SBNO1: variants seen among roughly 807,000 people sequenced by gnomAD.
SBNO1 encodes the protein strawberry notch homolog 1.
SBNO1 carries 23 observed loss-of-function variants against 173.6 expected under a neutral mutation model. That is an observed-to-expected ratio of 0.13 (90% CI 0.10 to 0.19). SBNO1 has a LOEUF of 0.19. SBNO1 is among the 10% of genes least tolerant of loss of function. SBNO1 has a pLI of 1.00. For synonymous variants in SBNO1, 632 were observed against 571.5 expected (o/e 1.11, Z -1.51); for missense variants, 1,238 against 1,671.2 (o/e 0.74, Z 4.52).
chr12:123,324,059 T>A (rs1004646964), intron 15 of SBNO1, among the ~76,000 whole-genome samples: 1 of 152,138 alleles, frequency 6.6e-6, no homozygotes, highest in Non-Finnish European at 1.5e-5. Flanking sequence ...ATTAAAAAAG[T>A]AAAAAATAAA....
intron 25 of SBNO1, among the ~76,000 whole-genome samples, chr12:123,310,631 T>C (rs1303452410): frequency 2.0e-5 from 3 of 151,776 alleles, no homozygotes; most frequent in Non-Finnish European, 4.4e-5. Context: ...GCCTCGCGGG[T>C]TCAAGTAATT....
chr12:123,294,653 A>G lies in SBNO1; in HGVS notation c.*1255T>C, dbSNP rs867368869. On this transcript the variant is annotated 3_prime_UTR_variant, in exon 32 of 32. Transcript: ENST00000602398. ...TGGAAGCAAAAAAAAAAAAAAAAAA[A>G]AAAAAAAAGAAAAAAAGAAAAGAAA... 629 of 157,240 alleles carry G rather than the reference A, an allele frequency of 4.0e-3. 6 individuals carry two copies. Among genetic ancestry groups the G allele is most frequent in the Non-Finnish European group, 6.2e-3 (493 of 79,386 alleles). The allele number at this position is 157,240 out of a possible 1,614,324, so 9.7% of individuals were successfully genotyped here.
At chr12:123,321,838 A>G (rs1017228564) in intron 16 of SBNO1, 106 bp from the exon 17 acceptor site, 4 of 938,682 alleles carry the variant, frequency 4.3e-6, no homozygotes, top group Non-Finnish European at 4.9e-6. Context: ...GTGCAGAGGA[A>G]AAGTATTTAG....
rs1298619290 is a variant in SBNO1 at position 123,325,595 on chromosome 12, A to G, written c.1880T>C (p.Val627Ala). The G allele has an allele frequency of 6.3e-7, 1 of 1,597,126 alleles. No individual in the cohort carries two copies. Among genetic ancestry groups the G allele is most frequent in the Non-Finnish European group, 8.6e-7 (1 of 1,165,604 alleles). The change falls in exon 15 of 32, where the codon GTT becomes GCT. Residue 627 changes from valine (V) to alanine (A), a missense_variant. Val to Ala is a moderately conservative substitution (Grantham distance 64, BLOSUM62 0). Transcript: ENST00000602398. Reference sequence around the variant, plus strand: ...TCCTGTAGACTGCAGACCAATTACAACACACTGGAGAAAAAAGAAAACATG... The same window carrying G: ...TCCTGTAGACTGCAGACCAATTACAGCACACTGGAGAAAAAAGAAAACATG... ...AREEIKNGKC[V>A]VIGLQSTGEA... is the part of the protein sequence containing the mutation.
chr12:123,310,838 C>G (rs1868398151), intron 25 of SBNO1, among the ~76,000 whole-genome samples: 1 of 152,054 alleles, frequency 6.6e-6, no homozygotes, highest in African/African-American at 2.4e-5. Context: ...CAGCAGACTT[C>G]AGTAATTTTT....
intron 1 of SBNO1, among the ~76,000 whole-genome samples, chr12:123,352,512 G>C (rs916068290): frequency 6.6e-5 from 10 of 151,892 alleles, no homozygotes; most frequent in Admixed American, 2.0e-4. Context: ...GGCTGGTCTC[G>C]AACTCCTGAC....
intron 14 of SBNO1, among the ~76,000 whole-genome samples, 177 bp from the exon 15 acceptor site, chr12:123,325,776 AATTTAGG>A (rs72419030): frequency 0.52 from 79,118 of 151,324 alleles, 24,937 homozygotes; most frequent in East Asian, 0.7. Context: ...ATTTGTCAAA[AATTTAGG>A]CAGGAGATAG....
In SBNO1 at chr12:123,311,124, G is replaced by T. The variant is rs1176994942; in HGVS notation, c.3226C>A (p.Arg1076=). 1.2e-6 allele frequency: 2 copies of T among 1,611,558 alleles called. No homozygotes were observed. Among genetic ancestry groups the T allele is most frequent in the Admixed American group, 1.7e-5 (1 of 59,986 alleles). ...DYPGEFFKDV[R]QGLIGVGLIN... is the part of the protein sequence containing the mutation. ...AGGCCAACGCCTATCAGTCCTTGTC[G>T]AACATCTGTAAGAACAGGATCAATT... is the stretch of plus-strand genomic sequence containing the variant. The change falls in exon 25 of 32, where the codon CGA becomes AGA. Residue 1076 remains arginine (R), a synonymous_variant. Coordinates refer to ENST00000602398, the MANE Select transcript of SBNO1 (RefSeq NM_001167856.3).
At chr12:123,320,122 A>C (rs1229474219) in intron 19 of SBNO1, 91 bp from the exon 20 acceptor site, 6 of 1,424,476 alleles carry the variant, frequency 4.2e-6, no homozygotes, top group Admixed American at 3.5e-5. Context: ...TTGGGAGATA[A>C]GAGCACAGGC....
rs1455506307 is a variant in SBNO1 at position 123,294,510 on chromosome 12, A to G, written c.*1398T>C. 2.6e-5 allele frequency: 4 copies of G among 153,324 alleles called. No individual in the cohort carries two copies. Among genetic ancestry groups the G allele is most frequent in the Non-Finnish European group, 5.8e-5 (4 of 69,032 alleles). 9.5% of individuals were successfully genotyped at this position (153,324 alleles called of 1,614,324 possible). On this transcript the variant is annotated 3_prime_UTR_variant, in exon 32 of 32. Transcript: ENST00000602398. Reference sequence around the variant, plus strand: ...TTCTGAAGGTCACCAGTGAGGGCCTAAACAAGAGTCCACTTCTTGTTAGTA... The same window carrying G: ...TTCTGAAGGTCACCAGTGAGGGCCTGAACAAGAGTCCACTTCTTGTTAGTA...
chr12:123,349,524 A>C (rs1410323419), intron 2 of SBNO1, among the ~76,000 whole-genome samples: 1 of 136,186 alleles, frequency 7.3e-6, no homozygotes, highest in Non-Finnish European at 1.5e-5. Flanking sequence ...AACATCTCTT[A>C]CACTATCTAT....
intron 19 of SBNO1, 49 bp downstream of exon 19, chr12:123,320,383 C>T: frequency 1.4e-6 from 2 of 1,469,164 alleles, no homozygotes; most frequent in Non-Finnish European, 9.3e-7. Flanking sequence ...ACTCATTTTA[C>T]AGGGGTTCAA....
rs938924397 is a variant in SBNO1 at position 123,289,729 on chromosome 12, G to C, written c.*6179C>G. On this transcript the variant is annotated 3_prime_UTR_variant, in exon 32 of 32. Transcript: ENST00000602398. ...ATCATATCAGTAGTTTGCAAATTCAGTATAAACCATGAACAGGATATTTTT... is the reference window on the plus strand; with the variant it reads ...ATCATATCAGTAGTTTGCAAATTCACTATAAACCATGAACAGGATATTTTT... 4 of 152,244 alleles carry C rather than the reference G, an allele frequency of 2.6e-5. No individual in the cohort carries two copies. Among genetic ancestry groups the C allele is most frequent in the Admixed American group, 2.0e-4 (3 of 15,278 alleles). 9.4% of individuals were successfully genotyped at this position (152,244 alleles called of 1,614,324 possible).
In SBNO1 at chr12:123,364,842, G is replaced by A. The variant is rs1260697399; in HGVS notation, c.-142C>T. The A allele has an allele frequency of 3.2e-6, 3 of 930,376 alleles. No individual in the cohort carries two copies. Among genetic ancestry groups the A allele is most frequent in the East Asian group, 1.2e-4 (1 of 8,436 alleles). 57.6% of individuals were successfully genotyped at this position (930,376 alleles called of 1,614,324 possible). A position where few individuals can be genotyped will look rare whatever the true frequency, so the allele number is the denominator to read the frequency against. On this transcript the variant is annotated 5_prime_UTR_variant, in exon 1 of 32. Transcript: ENST00000602398. ...CCTACCTCCCCGCCGCCATCTTGAC[G>A]CCCCTCCCCCAGCCCCCCCGCCCCG...
chr12:123,311,708 C>CTA (rs1287595744), intron 24 of SBNO1, among the ~76,000 whole-genome samples: 2 of 62,328 alleles, frequency 3.2e-5, no homozygotes, highest in African/African-American at 1.2e-4. Flanking sequence ...ATCTATCTAT[C>CTA]TATCTATCTA....
chr12:123,316,479 C>G (rs968832954), intron 21 of SBNO1, among the ~76,000 whole-genome samples: 2 of 152,178 alleles, frequency 1.3e-5, no homozygotes, highest in Non-Finnish European at 2.9e-5. Context: ...CCACCTCAGC[C>G]TGCCAAAGTG....
chr12:123,319,288 G>A (rs959384798), intron 20 of SBNO1, among the ~76,000 whole-genome samples: 1 of 151,512 alleles, frequency 6.6e-6, no homozygotes, highest in African/African-American at 2.4e-5. Context: ...TTTATATCAT[G>A]ATTAAATATT....
rs1187777296 is a variant in SBNO1 at position 123,364,255 on chromosome 12, T to A, written c.-1+446A>T. On this transcript the variant is annotated intron_variant, in intron 1 of 31. Transcript: ENST00000602398. ...CCTCGCCCAGAGCCGGGAGCAATGC[T>A]GGGGCACGAAAGAGGACTTGGGAAG... 3 of 985,376 alleles carry A rather than the reference T, an allele frequency of 3.0e-6. No individual in the cohort carries two copies. The African/African-American group carries it at 5.2e-5, about 17-fold the overall frequency. The allele number at this position is 985,376 out of a possible 1,614,324, so 61.0% of individuals were successfully genotyped here.
rs914598757 is a variant in SBNO1 at position 123,302,245 on chromosome 12, T to G, written c.3845+579A>C. Among the ~76,000 whole-genome samples, 40 of 138,812 alleles carry G rather than the reference T, an allele frequency of 2.9e-4. No individual in the cohort carries two copies. In the South Asian group the frequency reaches 8.7e-3, roughly 30 times the overall value. The allele number at this position is 138,812 out of a possible 152,430, so 91.1% of individuals were successfully genotyped here. A position where few individuals can be genotyped will look rare whatever the true frequency, so the allele number is the denominator to read the frequency against. ...ACCACACCTGGCCTTATTGTTTTTTTTTTTGTTTTTTTTTTTTAATGGAGT... is the reference window on the plus strand; with the variant it reads ...ACCACACCTGGCCTTATTGTTTTTTGTTTTGTTTTTTTTTTTTAATGGAGT... On this transcript the variant is annotated intron_variant, in intron 30 of 31. Coordinates refer to ENST00000602398, the MANE Select transcript of SBNO1 (RefSeq NM_001167856.3).
Sources: allele counts gnomAD v4.1 joint callset (sites outside exome capture counted in the v4.1 genomes callset), GRCh38; gene constraint gnomAD v4.1.1; transcripts MANE v1.5; gene names NCBI Gene and HGNC (gene_info 2026-07-23, HGNC 2026-07-21).